GPHN: variants seen among roughly 807,000 people sequenced by gnomAD.
The protein encoded by GPHN is gephyrin.
A neutral mutation model predicts 95.5 loss-of-function variants in GPHN; 17 were observed. The ratio of observed to expected loss-of-function variants is 0.18; its 90% CI spans 0.12 to 0.27. The LOEUF (loss-of-function observed/expected upper bound fraction) is 0.27. Among genes scored for constraint, GPHN ranks in the 10% least tolerant of loss-of-function variants. The probability of loss-of-function intolerance (pLI) is 1.00; values close to 1 mark genes in which losing one functional copy is unlikely to be tolerated. For missense variants in GPHN, 660 were observed against 978.1 expected (o/e 0.67, Z 4.34); for synonymous variants, 320 against 322.5 (o/e 0.99, Z 0.08).
chr14:66,594,787 GCA>G (rs2061904207), intron 1 of GPHN, among the ~76,000 whole-genome samples: 1 of 152,094 alleles, frequency 6.6e-6, no homozygotes, highest in South Asian at 2.1e-4. Context: ...AACCCCCAAA[GCA>G]CAGACGACAA....
chr14:67,687,333 A>G, the GPHN span, among the ~76,000 whole-genome samples: 66 of 152,290 alleles, frequency 4.3e-4, no homozygotes, highest in African/African-American at 1.6e-3. Flanking sequence ...CTACCTCACC[A>G]GTCTCAGCTC....
chr14:67,177,909 A>G (rs1219287421), intron 21 of GPHN, among the ~76,000 whole-genome samples: 1 of 151,752 alleles, frequency 6.6e-6, no homozygotes, highest in East Asian at 1.9e-4. Context: ...TTTGCTTTCC[A>G]TTTGCTTGTT....
At position 66,752,915 on chromosome 14, in the gene GPHN, G is replaced by A. The variant is rs1386110793; in HGVS notation, c.144-23549G>A. On this transcript the variant is annotated intron_variant, in intron 2 of 22. Transcript: ENST00000478722. ...TTAATCTTAAGTCAGGAATCCTAAA[G>A]TGAAGCAATAGGAGTGGTTAAAAAA... Among the ~76,000 whole-genome samples, 2 of 143,440 alleles carry A rather than the reference G, an allele frequency of 1.4e-5. 1 individual carries two copies. Among genetic ancestry groups the A allele is most frequent in the East Asian group, 4.1e-4 (2 of 4,876 alleles). 94.1% of individuals were successfully genotyped at this position (143,440 alleles called of 152,430 possible).
chr14:67,469,646 C>CTGGTGGTGG, the GPHN span, among the ~76,000 whole-genome samples: 4 of 149,984 alleles, frequency 2.7e-5, no homozygotes, highest in Non-Finnish European at 5.9e-5. Context: ...GGGCAGCGGC[C>CTGGTGGTGG]TGGTGGTGGT....
intron 1 of GPHN, among the ~76,000 whole-genome samples, chr14:66,669,764 C>A (rs2066194070): frequency 6.6e-6 from 1 of 152,064 alleles, no homozygotes; most frequent in Non-Finnish European, 1.5e-5. Flanking sequence ...TATAAAATTT[C>A]TATTTGGTCT....
intron 1 of GPHN, among the ~76,000 whole-genome samples, chr14:66,518,783 T>C (rs2058360075): frequency 6.6e-6 from 1 of 151,952 alleles, no homozygotes; most frequent in South Asian, 2.1e-4. Context: ...CTAAAAAAAG[T>C]TGGTTTCATA....
intron 2 of GPHN, among the ~76,000 whole-genome samples, chr14:66,714,455 G>A (rs1234226525): frequency 1.3e-5 from 2 of 152,140 alleles, no homozygotes; most frequent in East Asian, 3.9e-4. Flanking sequence ...GTGACATTTT[G>A]ACTTCCTCTT....
chr14:67,580,056 G>C, the GPHN span: 5 of 593,086 alleles, frequency 8.4e-6, no homozygotes, highest in Non-Finnish European at 1.5e-5. Context: ...GGAGAAAAAA[G>C]CTGTTGTGTG....
the GPHN span, among the ~76,000 whole-genome samples, chr14:67,721,999 G>A: frequency 2.0e-5 from 3 of 152,028 alleles, no homozygotes; most frequent in African/African-American, 4.8e-5. Context: ...TGCACAAGTC[G>A]AAAGCATACG....
the GPHN span, chr14:67,582,029 A>G: frequency 3.2e-6 from 5 of 1,582,442 alleles, no homozygotes; most frequent in African/African-American, 1.3e-5. The surrounding 1 kb of genome is among the most constrained non-coding windows in gnomAD (Gnocchi z 5.0). Context: ...CCTGTTTGGA[A>G]TCCCTGCTGA....
the GPHN span, among the ~76,000 whole-genome samples, chr14:67,310,931 C>T: frequency 6.6e-6 from 1 of 152,130 alleles, no homozygotes; most frequent in African/African-American, 2.4e-5. Flanking sequence ...GTCTCAAGTG[C>T]TTAAAGAGCG....
At chr14:66,991,908 G>C (rs1231485733) in intron 9 of GPHN, among the ~76,000 whole-genome samples, 1 of 149,402 alleles carries the variant, frequency 6.7e-6, no homozygotes, top group Non-Finnish European at 1.5e-5. Context: ...GAAAAACATA[G>C]AATAAGATAA....
intron 10 of GPHN, among the ~76,000 whole-genome samples, chr14:67,054,590 G>GA (rs1266838200): frequency 3.3e-5 from 5 of 151,874 alleles, no homozygotes; most frequent in South Asian, 2.1e-4. Context: ...CACAGAATTA[G>GA]AAAAAAACTA....
At chr14:66,783,711 A>G (rs1190862345) in intron 3 of GPHN, among the ~76,000 whole-genome samples, 2 of 152,232 alleles carry the variant, frequency 1.3e-5, no homozygotes, top group Non-Finnish European at 2.9e-5. Flanking sequence ...CTTGGTATCA[A>G]CAGTGGAGCA....
At chr14:66,939,768 CT>C (rs1044456627) in intron 8 of GPHN, among the ~76,000 whole-genome samples, 1 of 152,216 alleles carries the variant, frequency 6.6e-6, no homozygotes, top group East Asian at 1.9e-4. Context: ...ATCTTAACTG[CT>C]TCCTGCTGGT....
At chr14:67,312,361 T>G in the GPHN span, among the ~76,000 whole-genome samples, 1 of 152,208 alleles carries the variant, frequency 6.6e-6, no homozygotes, top group Non-Finnish European at 1.5e-5. Flanking sequence ...AAGGATCGCT[T>G]GAGGCTAGAA....
At chr14:66,640,836 G>T (rs906434209) in intron 1 of GPHN, among the ~76,000 whole-genome samples, 3 of 152,078 alleles carry the variant, frequency 2.0e-5, no homozygotes, top group African/African-American at 7.2e-5. Context: ...TTGACCTTGG[G>T]GATGTATTTC....
intron 9 of GPHN, among the ~76,000 whole-genome samples, chr14:67,006,575 C>A (rs905321133): frequency 1.3e-5 from 2 of 152,058 alleles, no homozygotes; most frequent in Non-Finnish European, 2.9e-5. Flanking sequence ...GCAATCTAGC[C>A]CCTTTGGATT....
At chr14:66,725,319 G>A (rs1215481601) in intron 2 of GPHN, among the ~76,000 whole-genome samples, 1 of 152,172 alleles carries the variant, frequency 6.6e-6, no homozygotes, top group Non-Finnish European at 1.5e-5. Context: ...GTATGTAATT[G>A]CTTTCTTCAG....
Sources: allele counts gnomAD v4.1 joint callset (sites outside exome capture counted in the v4.1 genomes callset), GRCh38; gene constraint gnomAD v4.1.1; non-coding constraint Gnocchi (gnomAD v3.1); transcripts MANE v1.5; gene names NCBI Gene and HGNC (gene_info 2026-07-23, HGNC 2026-07-21).